The following SMIM36 variants were observed in gnomAD, a reference collection of about 807,000 sequenced individuals.
The protein encoded by SMIM36 is small integral membrane protein 36.
In SMIM36 at chr17:55,476,330, G is replaced by T. The variant is rs1909425943; in HGVS notation, c.*347+2432C>A. The stretch of plus-strand genomic sequence containing the variant: ...CGAGCGCCTTGTGACCCCTACCCCT[G>T]CCCACAAGAGGAAAAACCCCCTTTA... On this transcript the variant is annotated intron_variant, in intron 3 of 4. Transcript: ENST00000636752. Among the ~76,000 whole-genome samples, 3 of 150,484 alleles carry T rather than the reference G, an allele frequency of 2.0e-5. 1 individual carries two copies. Among genetic ancestry groups the T allele is most frequent in the South Asian group, 4.3e-4 (2 of 4,686 alleles).
At chr17:55,501,168 CTT>C (rs1909940089) in intron 1 of SMIM36, among the ~76,000 whole-genome samples, 4 of 2,210 alleles carry the variant, frequency 1.8e-3, no homozygotes, top group Admixed American at 8.5e-3. Flanking sequence ...TATAATATAT[CTT>C]ATATATTATA....
chr17:55,459,151 C>A (rs1035234210), intron 4 of SMIM36, among the ~76,000 whole-genome samples: 4 of 152,120 alleles, frequency 2.6e-5, no homozygotes, highest in African/African-American at 9.7e-5. Flanking sequence ...GTTTGAGCAG[C>A]GGGGCACTGA....
chr17:55,512,554 A>C (rs1910199299), upstream of SMIM36, among the ~76,000 whole-genome samples: 1 of 152,246 alleles, frequency 6.6e-6, no homozygotes, highest in Non-Finnish European at 1.5e-5. Context: ...TTGATGTACA[A>C]ATCACTGTCC....
intron 1 of SMIM36, among the ~76,000 whole-genome samples, chr17:55,503,842 G>T (rs1910036573): frequency 7.5e-6 from 1 of 132,524 alleles, no homozygotes; most frequent in African/African-American, 3.2e-5. Flanking sequence ...CTCACGTGCA[G>T]AGACACACAT....
intron 1 of SMIM36, among the ~76,000 whole-genome samples, chr17:55,501,415 A>G (rs1909970362): frequency 4.0e-5 from 1 of 24,746 alleles, no homozygotes; most frequent in South Asian, 1.5e-3. Flanking sequence ...TATATATTAT[A>G]AAATATAATA....
chr17:55,522,369 C>T, the SMIM36 span, among the ~76,000 whole-genome samples: 7 of 152,202 alleles, frequency 4.6e-5, no homozygotes, highest in African/African-American at 1.7e-4. Context: ...TGTGTTCTCA[C>T]ATCGCTAATA....
intron 1 of SMIM36, among the ~76,000 whole-genome samples, chr17:55,503,795 T>C (rs1910035835): frequency 8.1e-6 from 1 of 123,884 alleles, no homozygotes; most frequent in African/African-American, 3.6e-5. Context: ...GGATAAAGAG[T>C]CAAGACCCAT....
At chr17:55,492,247 T>TTCTTTC (rs1298769823) in intron 1 of SMIM36, among the ~76,000 whole-genome samples, 1 of 136,182 alleles carries the variant, frequency 7.3e-6, no homozygotes, top group African/African-American at 2.8e-5. Context: ...TCTTTCTTTT[T>TTCTTTC]TTTTTTTTTT....
intron 3 of SMIM36, among the ~76,000 whole-genome samples, chr17:55,471,594 A>C (rs1372632981): frequency 6.6e-6 from 1 of 152,144 alleles, no homozygotes; most frequent in African/African-American, 2.4e-5. Context: ...ATCCTAACCA[A>C]ACCACTTTAC....
At chr17:55,490,791 G>A (rs185752208) in intron 1 of SMIM36, among the ~76,000 whole-genome samples, 1 of 152,170 alleles carries the variant, frequency 6.6e-6, no homozygotes, top group East Asian at 1.9e-4. Flanking sequence ...CATACACTAT[G>A]ATCATAAGTA....
At chr17:55,522,917 T>G in the SMIM36 span, among the ~76,000 whole-genome samples, 2 of 152,134 alleles carry the variant, frequency 1.3e-5, no homozygotes, top group Non-Finnish European at 2.9e-5. Context: ...TTCTAAGCAT[T>G]GAATATATAT....
the SMIM36 span, among the ~76,000 whole-genome samples, chr17:55,527,522 C>T: frequency 6.6e-6 from 1 of 152,296 alleles, no homozygotes; most frequent in Admixed American, 6.5e-5. Context: ...TCCCTCACAT[C>T]TACTCTTATT....
At chr17:55,483,071 C>T (rs997751564) in intron 1 of SMIM36, among the ~76,000 whole-genome samples, 9 of 152,154 alleles carry the variant, frequency 5.9e-5, no homozygotes, top group Non-Finnish European at 4.4e-5. Flanking sequence ...TGCTATTATC[C>T]TTGCTTTTTA....
intron 4 of SMIM36, among the ~76,000 whole-genome samples, chr17:55,452,996 C>T (rs1383516246): frequency 6.6e-6 from 1 of 152,214 alleles, no homozygotes; most frequent in Non-Finnish European, 1.5e-5. Context: ...AAGTACACCA[C>T]CTGGGCAGTT....
chr17:55,528,828 G>C, the SMIM36 span, among the ~76,000 whole-genome samples: 1 of 152,262 alleles, frequency 6.6e-6, no homozygotes, highest in South Asian at 2.1e-4. Flanking sequence ...TGGAATTACA[G>C]GCATGAGCCA....
the SMIM36 span, among the ~76,000 whole-genome samples, chr17:55,528,414 C>T: frequency 6.6e-6 from 1 of 152,056 alleles, no homozygotes; most frequent in Non-Finnish European, 1.5e-5. Context: ...TGCAGTGGTG[C>T]GATCATAGCT....
Position 55,490,016 on chromosome 17 carries a change from A to AT in SMIM36, c.*175-10437dup, listed in dbSNP as rs58463133. Among the ~76,000 whole-genome samples the AT allele has an allele frequency of 7.9e-4, 115 of 145,484 alleles. 1 individual carries two copies. Among genetic ancestry groups the AT allele is most frequent in the East Asian group, 2.5e-3 (12 of 4,850 alleles). Reference sequence around the variant, plus strand: ...GGCGCCTGCCACTGCGCCTGGCAATATTTTTTTTTTTTGTATTTTTTGTAG... The same window carrying AT: ...GGCGCCTGCCACTGCGCCTGGCAATATTTTTTTTTTTTTGTATTTTTTGTAG... On this transcript the variant is annotated intron_variant, in intron 1 of 4. Transcript: ENST00000636752.
At chr17:55,463,825 A>G (rs901639961) in intron 4 of SMIM36, among the ~76,000 whole-genome samples, 1 of 151,796 alleles carries the variant, frequency 6.6e-6, no homozygotes, top group African/African-American at 2.4e-5. Context: ...TTTTCTGACT[A>G]TAAGAAAAGA....
the SMIM36 span, among the ~76,000 whole-genome samples, chr17:55,518,154 G>A: frequency 0.48 from 73,299 of 152,016 alleles, 17,942 homozygotes; most frequent in Middle Eastern, 0.51. Flanking sequence ...CGAGGGCCTC[G>A]TTGCTGTGTC....
Sources: gnomAD v4.1 joint callset for allele counts (sites outside exome capture counted in the v4.1 genomes callset) on GRCh38, gnomAD v4.1.1 for gene constraint, MANE v1.5 for transcripts, NCBI Gene and HGNC (gene_info 2026-07-23, HGNC 2026-07-21) for gene names.